The following MASP1 variants were observed in gnomAD, a reference collection of about 807,000 sequenced individuals.
MASP1 encodes MBL associated serine protease 1.
Under a neutral mutation model 77.1 loss-of-function variants are expected in MASP1, and 59 were observed. The observed-to-expected ratio is 0.77, with a 90% CI of 0.62 to 0.95. The LOEUF (loss-of-function observed/expected upper bound fraction) is 0.95, where lower values mean the gene tolerates loss of function less well. Among genes scored for constraint, MASP1 ranks in the 40% least tolerant of loss-of-function variants. The probability of loss-of-function intolerance (pLI) is 0.00; values close to 1 mark genes in which losing one functional copy is unlikely to be tolerated. For missense variants in MASP1, 885 were observed against 912.9 expected (o/e 0.97, Z 0.39); for synonymous variants, 362 against 354.5 (o/e 1.02, Z -0.24).
intron 2 of MASP1, among the ~76,000 whole-genome samples, chr3:187,280,658 T>C (rs1265670951): frequency 6.6e-6 from 1 of 152,242 alleles, no homozygotes; most frequent in Non-Finnish European, 1.5e-5. Flanking sequence ...GATTTTTTAA[T>C]GGTAAGTTTG....
At chr3:187,250,074 A>T (rs1203880851) in intron 8 of MASP1, among the ~76,000 whole-genome samples, 177 bp downstream of exon 8, 3 of 152,184 alleles carry the variant, frequency 2.0e-5, no homozygotes, top group African/African-American at 7.2e-5. Context: ...CAAACATCTT[A>T]TTGCCAAAAG....
intron 8 of MASP1, chr3:187,247,147 G>A (rs1462683180): frequency 1.4e-5 from 20 of 1,471,300 alleles, no homozygotes; most frequent in Non-Finnish European, 1.5e-5. Flanking sequence ...ACCCTCAAGT[G>A]GAGAATTTGC....
At chr3:187,279,487 TAA>T in intron 2 of MASP1, among the ~76,000 whole-genome samples, 2 of 152,312 alleles carry the variant, frequency 1.3e-5, no homozygotes, top group Middle Eastern at 3.4e-3. Flanking sequence ...AATCATAGTA[TAA>T]GTTAATATTA....
chr3:187,229,166 C>T (rs1197438643), downstream of MASP1, among the ~76,000 whole-genome samples: 1 of 152,222 alleles, frequency 6.6e-6, no homozygotes, highest in Non-Finnish European at 1.5e-5. Flanking sequence ...CGGCTGTTCT[C>T]ATTCTTGCTC....
chr3:187,223,141 C>G, exon 14 of MASP1: 18 of 1,614,076 alleles, frequency 1.1e-5, no homozygotes, highest in Non-Finnish European at 1.5e-5. Flanking sequence ...ATCAGGGTCT[C>G]TGGGAACCTT....
In MASP1 at chr3:187,246,591, TC is replaced by T. The variant is rs1420700939; in HGVS notation, c.1091-2971del. 5 of 985,498 alleles carry T rather than the reference TC, an allele frequency of 5.1e-6. No individual in the cohort carries two copies. In the African/African-American group the frequency reaches 8.7e-5, roughly 17 times the overall value. The allele number at this position is 985,498 out of a possible 1,614,324, so 61.0% of individuals were successfully genotyped here. ...CGGAAGCAGAGATTCCAGCTGCCAC[TC>T]CCCAGCCCTTTCTCTATCACTGTTT... On this transcript the variant is annotated intron_variant, in intron 8 of 10. Coordinates refer to ENST00000296280, the MANE Select transcript of MASP1 (RefSeq NM_139125.4).
intron 5 of MASP1, among the ~76,000 whole-genome samples, chr3:187,253,566 A>G (rs1009558769): frequency 6.6e-6 from 1 of 152,190 alleles, no homozygotes; most frequent in Non-Finnish European, 1.5e-5. Context: ...TTAACTATTT[A>G]CAATAGCGAA....
At chr3:187,266,870 C>A (rs1716070872) in intron 2 of MASP1, among the ~76,000 whole-genome samples, 1 of 152,156 alleles carries the variant, frequency 6.6e-6, no homozygotes, top group Non-Finnish European at 1.5e-5. Context: ...AGAACAGCTA[C>A]TCTATGGGAA....
At position 187,250,234 on chromosome 3, in the gene MASP1, C is replaced by A. The variant is rs766543841; in HGVS notation, c.1090+17G>T. 1 of 1,606,380 alleles carries A rather than the reference C, an allele frequency of 6.2e-7. No individual in the cohort carries two copies. Among genetic ancestry groups the A allele is most frequent in the African/African-American group, 1.3e-5 (1 of 74,746 alleles). On this transcript the variant is annotated intron_variant, in intron 8 of 10. Transcript: ENST00000296280. ...GGGAGCTCAGTATCTTTATAACAAC[C>A]CATTAGGCTTTCTTACTTTTACAGG...
At chr3:187,277,934 C>T (rs1717093426) in intron 2 of MASP1, among the ~76,000 whole-genome samples, 1 of 152,174 alleles carries the variant, frequency 6.6e-6, no homozygotes, top group African/African-American at 2.4e-5. Flanking sequence ...CAAGGTCATA[C>T]ATAGGCAGTC....
chr3:187,260,225 C>T (rs1315638702), intron 4 of MASP1, among the ~76,000 whole-genome samples: 5 of 152,120 alleles, frequency 3.3e-5, no homozygotes, highest in Middle Eastern at 3.2e-3. Flanking sequence ...ATAGTAGGTA[C>T]GTTGATGATA....
chr3:187,222,373 C>G (rs796556710), intron 14 of MASP1, among the ~76,000 whole-genome samples: 9 of 152,116 alleles, frequency 5.9e-5, no homozygotes, highest in African/African-American at 2.2e-4. Flanking sequence ...GTGTCTGGTA[C>G]CAAGGAAACA....
At chr3:187,252,314 C>T (rs1303391120) in intron 6 of MASP1, among the ~76,000 whole-genome samples, 1 of 152,208 alleles carries the variant, frequency 6.6e-6, no homozygotes, top group African/African-American at 2.4e-5. Flanking sequence ...AATTTTCACT[C>T]ATTTGTCCTC....
intron 5 of MASP1, among the ~76,000 whole-genome samples, chr3:187,254,340 G>C (rs543444911): frequency 6.6e-6 from 1 of 152,284 alleles, no homozygotes; most frequent in Non-Finnish European, 1.5e-5. Flanking sequence ...AGGTAGCATT[G>C]GGGATCTGAG....
intron 9 of MASP1, 46 bp downstream of exon 9, chr3:187,243,438 C>T (rs754839296): frequency 3.5e-5 from 57 of 1,611,946 alleles, no homozygotes; most frequent in Middle Eastern, 1.7e-4. Flanking sequence ...CCTGAGGCCC[C>T]GAGAGTGTGA....
chr3:187,276,152 G>C (rs1295262461), intron 2 of MASP1, among the ~76,000 whole-genome samples: 1 of 139,638 alleles, frequency 7.2e-6, no homozygotes. Flanking sequence ...AACCTTACCT[G>C]CTTCAAGTGT....
intron 13 of MASP1, among the ~76,000 whole-genome samples, chr3:187,224,482 G>T (rs972612426): frequency 5.3e-5 from 8 of 150,786 alleles, no homozygotes; most frequent in Admixed American, 3.3e-4. Context: ...AAGTAGCTGG[G>T]ACTACAGGCG....
chr3:187,236,552 G>A lies in MASP1; in HGVS notation c.1319C>T (p.Ser440Phe). Residue 440 changes from serine (S) to phenylalanine (F), a missense_variant, in exon 11 of 11, where the codon TCC (serine) becomes TTC (phenylalanine). By Grantham distance (155) the Ser-to-Phe change is radical. Coordinates refer to ENST00000296280, the MANE Select transcript of MASP1 (RefSeq NM_139125.4). ...PTCLPECGQPSRSLPSLVKRI... is the reference protein window; with the variant it reads ...PTCLPECGQPFRSLPSLVKRI... ...CTTGACCAGGCTTGGCAGGGAGCGG[G>A]AGGGCTGACCACACTCTGTAAGGAG... 1.9e-6 allele frequency: 3 copies of A among 1,613,968 alleles called. No individual in the cohort carries two copies. The highest frequency in any genetic ancestry group is 1.1e-5 in the South Asian group (1 of 91,082).
chr3:187,231,848 T>C (rs750404585), downstream of MASP1, among the ~76,000 whole-genome samples: 1 of 152,178 alleles, frequency 6.6e-6, no homozygotes, highest in East Asian at 1.9e-4. Flanking sequence ...CATGGAGAAC[T>C]GAACATGTAA....
Sources: gnomAD v4.1 joint callset for allele counts (sites outside exome capture counted in the v4.1 genomes callset) on GRCh38, gnomAD v4.1.1 for gene constraint, MANE v1.5 for transcripts, NCBI Gene and HGNC (gene_info 2026-07-23, HGNC 2026-07-21) for gene names.